Variants in CD46 observed in about 807,000 individuals in gnomAD.
CD46 encodes CD46 molecule, also known as membrane cofactor protein.
In CD46, 30 loss-of-function variants were observed where a neutral mutation model predicts 53.3. The observed-to-expected ratio is 0.56, with a 90% CI of 0.42 to 0.76. CD46 has a LOEUF of 0.76. Ranked by LOEUF, CD46 falls within the 30% of genes least tolerant of loss-of-function variation. CD46 has a pLI of 0.00. For synonymous variants in CD46, 142 were observed against 152.0 expected (o/e 0.93, Z 0.48); for missense variants, 409 against 463.0 (o/e 0.88, Z 1.07).
chr1:207,763,253 T>A (rs1656440079), intron 5 of CD46: 1 of 152,332 alleles, frequency 6.6e-6, no homozygotes, highest in Admixed American at 6.5e-5. Context: ...GAGATCCTGA[T>A]GGAGACCTGA....
intron 7 of CD46, 152 bp from the exon 8 acceptor site, chr1:207,770,169 A>G: frequency 3.0e-6 from 2 of 659,040 alleles, no homozygotes; most frequent in East Asian, 2.8e-5. Flanking sequence ...GCAAATATAT[A>G]TGTAGGTTAA....
chr1:207,772,567 A>G (rs1374471377), intron 8 of CD46, among the ~76,000 whole-genome samples: 2 of 152,312 alleles, frequency 1.3e-5, no homozygotes, highest in South Asian at 2.1e-4. Flanking sequence ...ATTTTGAGAT[A>G]TATTCCATCA....
At chr1:207,771,217 C>G (rs1657476778) in intron 8 of CD46, among the ~76,000 whole-genome samples, 1 of 152,166 alleles carries the variant, frequency 6.6e-6, no homozygotes, top group South Asian at 2.1e-4. Context: ...AGTGTCTGTT[C>G]ATATCCTTTG....
intron 5 of CD46, among the ~76,000 whole-genome samples, chr1:207,764,388 G>A (rs533453052): frequency 2.0e-5 from 3 of 152,296 alleles, no homozygotes; most frequent in East Asian, 1.9e-4. Context: ...ATGGCCGCTC[G>A]ATCTTGAGAG....
intron 12 of CD46, 65 bp from the exon 13 acceptor site, chr1:207,793,453 CT>C: frequency 8.0e-7 from 1 of 1,242,310 alleles, no homozygotes; most frequent in South Asian, 1.2e-5. Context: ...GAATAGGCTT[CT>C]GGAATTTAAT....
chr1:207,793,582 G>A lies in CD46; in HGVS notation c.*105G>A. ...CTAAATCAACCACTCCAGCAGAGCA[G>A]AGAGGCTGAATAGATTCCACAACCT... is the stretch of plus-strand genomic sequence containing the variant. On this transcript the variant is annotated 3_prime_UTR_variant, in exon 13 of 13. Coordinates refer to ENST00000367042, the MANE Select transcript of CD46 (RefSeq NM_172351.3). The A allele has an allele frequency of 6.2e-7, 1 of 1,613,870 alleles. No homozygotes were observed. The highest frequency in any genetic ancestry group is 1.3e-5 in the African/African-American group (1 of 75,042).
At chr1:207,773,850 G>A (rs967288508) in intron 8 of CD46, among the ~76,000 whole-genome samples, 1 of 152,180 alleles carries the variant, frequency 6.6e-6, no homozygotes, top group African/African-American at 2.4e-5. Flanking sequence ...TGAGAAGAAT[G>A]TATATTCTAT....
rs140298514 is a variant in CD46, at chr1:207,783,291, G to C, written c.944-1G>C. The C allele has an allele frequency of 1.2e-5, 18 of 1,467,196 alleles. No homozygotes were observed. The African/African-American group carries it at 1.8e-4, about 15-fold the overall frequency. 90.9% of individuals were successfully genotyped at this position (1,467,196 alleles called of 1,614,324 possible). A position where few individuals can be genotyped will look rare whatever the true frequency, so the allele number is the denominator to read the frequency against. On this transcript the variant is annotated splice_acceptor_variant, in intron 8 of 12. Coordinates refer to ENST00000367042, the MANE Select transcript of CD46 (RefSeq NM_172351.3). LOFTEE classifies it high-confidence loss of function. ...AATCTATATTTCTTCTTTTTTCCTA[G>C]GATATCCTAAACCTGAGGAAGGAAT...
intron 12 of CD46, 110 bp from the exon 13 acceptor site, chr1:207,793,409 C>A: frequency 1.3e-6 from 1 of 790,660 alleles, no homozygotes; most frequent in Non-Finnish European, 2.2e-6. Flanking sequence ...AGGTTGGTGG[C>A]TCATTACTAT....
intron 7 of CD46, chr1:207,768,316 A>G (rs1189690758): frequency 6.3e-6 from 1 of 159,254 alleles, no homozygotes; most frequent in African/African-American, 2.4e-5. Flanking sequence ...TGTGTCATCA[A>G]CTTTGCTATT....
At chr1:207,790,736 T>C (rs988355253) in intron 12 of CD46, among the ~76,000 whole-genome samples, 3 of 152,258 alleles carry the variant, frequency 2.0e-5, no homozygotes, top group Non-Finnish European at 4.4e-5. Flanking sequence ...ATATTTTACT[T>C]AGTTTTGTAA....
intron 4 of CD46, chr1:207,759,984 C>T (rs1243306094): frequency 5.6e-6 from 2 of 360,008 alleles, no homozygotes; most frequent in Non-Finnish European, 1.0e-5. Flanking sequence ...ACAATCTCAG[C>T]TCATTGCAGC....
At chr1:207,784,603 T>C (rs931198267) in intron 9 of CD46, among the ~76,000 whole-genome samples, 15 of 152,216 alleles carry the variant, frequency 9.9e-5, no homozygotes, top group East Asian at 3.8e-4. Context: ...AAAATTTTTT[T>C]TTCCTCTGTA....
chr1:207,792,932 G>C (rs1049974675), intron 12 of CD46, among the ~76,000 whole-genome samples: 1 of 152,190 alleles, frequency 6.6e-6, no homozygotes, highest in Admixed American at 6.5e-5. Context: ...GTTTTTAAAA[G>C]TGGCTTCTGG....
At chr1:207,786,104 C>T (rs1659250661) in intron 11 of CD46, 1 of 184,938 alleles carries the variant, frequency 5.4e-6, no homozygotes, top group African/African-American at 2.4e-5. Flanking sequence ...AAAGTTTCCA[C>T]TTGTCTATAT....
chr1:207,763,918 C>G (rs181979034), intron 5 of CD46, among the ~76,000 whole-genome samples: 8 of 138,234 alleles, frequency 5.8e-5, no homozygotes, highest in African/African-American at 2.2e-4. Flanking sequence ...ACAGTGAGAG[C>G]TTGGTCAAAG....
intron 8 of CD46, among the ~76,000 whole-genome samples, chr1:207,774,858 T>C (rs918504056): frequency 1.3e-5 from 2 of 152,202 alleles, no homozygotes; most frequent in African/African-American, 4.8e-5. Flanking sequence ...GACGATTATG[T>C]GTCTTGGGGT....
At chr1:207,778,064 G>GT (rs1471885886) in intron 8 of CD46, among the ~76,000 whole-genome samples, 5 of 152,060 alleles carry the variant, frequency 3.3e-5, no homozygotes, top group African/African-American at 4.8e-5. Context: ...TCTTCTGTAT[G>GT]TTTTTTGGCC....
At chr1:207,766,360 G>C (rs373955958) in intron 5 of CD46, among the ~76,000 whole-genome samples, 2 of 152,082 alleles carry the variant, frequency 1.3e-5, no homozygotes, top group Admixed American at 1.3e-4. Flanking sequence ...ACAACAAAAG[G>C]TCAGTGAACC....
Sources: gnomAD v4.1 joint callset for allele counts (sites outside exome capture counted in the v4.1 genomes callset) on GRCh38, gnomAD v4.1.1 for gene constraint, MANE v1.5 for transcripts, NCBI Gene and HGNC (gene_info 2026-07-23, HGNC 2026-07-21) for gene names.